CARS2: variants seen among roughly 807,000 people sequenced by gnomAD.
The protein encoded by CARS2 is probable cysteine--tRNA ligase, mitochondrial.
A neutral mutation model predicts 68.8 loss-of-function variants in CARS2; 52 were observed. The observed-to-expected ratio is 0.76, with a 90% CI of 0.61 to 0.95. CARS2 has a LOEUF of 0.95. CARS2 is among the 40% of genes least tolerant of loss of function. The pLI, the probability that CARS2 is intolerant of heterozygous loss-of-function variation, is 0.00. For synonymous variants in CARS2, 314 were observed against 303.6 expected (o/e 1.03, Z -0.36); for missense variants, 780 against 754.2 (o/e 1.03, Z -0.40).
At chr13:110,666,351 C>T (rs2062647857) in intron 8 of CARS2, 2 of 985,216 alleles carry the variant, frequency 2.0e-6, no homozygotes, top group Non-Finnish European at 2.4e-6. Context: ...GTATGGGGTG[C>T]TGGACAACAG....
At chr13:110,666,812 G>A (rs945328270) in intron 8 of CARS2, 16 of 985,226 alleles carry the variant, frequency 1.6e-5, no homozygotes, top group East Asian at 1.1e-4. Context: ...CTAGTTAATC[G>A]TGACCCTGTA....
chr13:110,680,615 T>G (rs955583778), intron 6 of CARS2, among the ~76,000 whole-genome samples: 2 of 53,930 alleles, frequency 3.7e-5, no homozygotes, highest in African/African-American at 1.4e-4. Context: ...GCCTCTACAT[T>G]CAACTACCAG....
chr13:110,669,316 G>C (rs2062737617), intron 7 of CARS2, among the ~76,000 whole-genome samples: 1 of 152,120 alleles, frequency 6.6e-6, no homozygotes, highest in Non-Finnish European at 1.5e-5. Context: ...TCCATGAATG[G>C]AGCAGAGTCC....
chr13:110,656,083 A>T (rs1566663142), intron 9 of CARS2, among the ~76,000 whole-genome samples: 2 of 152,148 alleles, frequency 1.3e-5, no homozygotes, highest in African/African-American at 4.8e-5. Flanking sequence ...AGGCAGGTGG[A>T]CCTGAGGTTA....
chr13:110,712,752 C>G, intron 1 of CARS2: 1 of 703,780 alleles, frequency 1.4e-6, no homozygotes, highest in Non-Finnish European at 2.6e-6. Flanking sequence ...AGAACGGTGT[C>G]CATGACACAG....
chr13:110,709,819 A>T (rs967218730), upstream of CARS2, among the ~76,000 whole-genome samples: 1 of 152,140 alleles, frequency 6.6e-6, no homozygotes, highest in Non-Finnish European at 1.5e-5. Flanking sequence ...TAAAAAGAGG[A>T]TCCATTTAAT....
At position 110,667,052 on chromosome 13, in the gene CARS2, T is replaced by C. The variant is rs2062667415; in HGVS notation, c.919+288A>G. 5 of 707,532 alleles carry C rather than the reference T, an allele frequency of 7.1e-6. No homozygotes were observed. The South Asian group carries it at 3.2e-4, about 45-fold the overall frequency. 43.8% of individuals were successfully genotyped at this position (707,532 alleles called of 1,614,324 possible). A position where few individuals can be genotyped will look rare whatever the true frequency, so the allele number is the denominator to read the frequency against. On this transcript the variant is annotated intron_variant, in intron 8 of 14. Transcript: ENST00000257347. ...GATGTTCATAATTATCGTTACATTG[T>C]ACTACTTCAAGTTCCTTCTTAATAG...
In CARS2 at chr13:110,699,500, G is replaced by A. The variant is rs183512506; in HGVS notation, c.393+1938C>T. On this transcript the variant is annotated intron_variant, in intron 3 of 14. Coordinates refer to ENST00000257347, the MANE Select transcript of CARS2 (RefSeq NM_024537.4). ...GCAAAGTATCACAAGACTACATCTC[G>A]TCTACATCAAAATTAGGTCAGCTTT... 2.6e-5 allele frequency among the ~76,000 whole-genome samples: 4 copies of A among 152,310 alleles called. No individual in the cohort carries two copies. In the East Asian group the frequency reaches 5.8e-4, roughly 22 times the overall value.
chr13:110,679,650 CGGAGGGAG>C lies in CARS2; in HGVS notation c.656-2555_656-2548del, dbSNP rs571685789. On this transcript the variant is annotated intron_variant, in intron 6 of 14. Transcript: ENST00000257347. Reference sequence around the variant, plus strand: ...GGGAGGGAGGGACACCGGGCGTGACCGGAGGGAGGGAGGGAGGGAGGGAGGGAGGGAGG... The same window carrying C: ...GGGAGGGAGGGACACCGGGCGTGACCGGAGGGAGGGAGGGAGGGAGGGAGG... Among the ~76,000 whole-genome samples the C allele has an allele frequency of 2.7e-3, 116 of 43,210 alleles. 1 individual carries two copies. Among genetic ancestry groups the C allele is most frequent in the African/African-American group, 9.2e-3 (95 of 10,318 alleles). 28.3% of individuals were successfully genotyped at this position (43,210 alleles called of 152,430 possible).
chr13:110,703,149 T>C lies in CARS2; in HGVS notation c.276-1594A>G, dbSNP rs139763793. Among the ~76,000 whole-genome samples, 3 of 152,306 alleles carry C rather than the reference T, an allele frequency of 2.0e-5. No individual in the cohort carries two copies. The East Asian group carries it at 5.8e-4, about 29-fold the overall frequency. Reference sequence around the variant, plus strand: ...GGGTTTCCATCCCTCTGACCTCTTCTGGAAATGGTGGAGGCTATTTTTCAG... The same window carrying C: ...GGGTTTCCATCCCTCTGACCTCTTCCGGAAATGGTGGAGGCTATTTTTCAG... On this transcript the variant is annotated intron_variant, in intron 2 of 14. Transcript: ENST00000257347.
chr13:110,709,735 A>ATT (rs1445262108), upstream of CARS2, among the ~76,000 whole-genome samples: 1 of 152,004 alleles, frequency 6.6e-6, no homozygotes, highest in South Asian at 2.1e-4. Context: ...ATGTATATAC[A>ATT]TTATATATAT....
At chr13:110,712,591 T>A (rs2064042968) in intron 1 of CARS2, 1 of 395,838 alleles carries the variant, frequency 2.5e-6, no homozygotes, top group Non-Finnish European at 4.8e-6. Flanking sequence ...GCGTCCAGGC[T>A]TCTCAGAAAG....
chr13:110,697,934 C>T lies in CARS2; in HGVS notation c.393+3504G>A, dbSNP rs72661701. ...GACAGAGACCTCAGTGAAAATGTTC[C>T]TCAAGGACCTCACACCATTCCTTTG... On this transcript the variant is annotated intron_variant, in intron 3 of 14. Coordinates refer to ENST00000257347, the MANE Select transcript of CARS2 (RefSeq NM_024537.4). 91,128 of 454,834 alleles carry T rather than the reference C, an allele frequency of 0.2. 10,708 individuals carry two copies. The highest frequency in any genetic ancestry group is 0.4 in the Admixed American group (16,935 of 42,146). The allele number at this position is 454,834 out of a possible 1,614,324, so 28.2% of individuals were successfully genotyped here. A position where few individuals can be genotyped will look rare whatever the true frequency, so the allele number is the denominator to read the frequency against.
chr13:110,669,130 A>T (rs2062732228), intron 7 of CARS2, among the ~76,000 whole-genome samples: 1 of 152,160 alleles, frequency 6.6e-6, no homozygotes, highest in South Asian at 2.1e-4. Context: ...GCGTTTCCAG[A>T]TGAGCCGCAT....
At chr13:110,690,612 C>T (rs1293817420) in intron 3 of CARS2, among the ~76,000 whole-genome samples, 1 of 152,226 alleles carries the variant, frequency 6.6e-6, no homozygotes, top group Non-Finnish European at 1.5e-5. Context: ...TCCCGATGCA[C>T]ATCCCATCCT....
intron 5 of CARS2, among the ~76,000 whole-genome samples, chr13:110,683,814 C>T (rs993493973): frequency 4.6e-5 from 7 of 152,136 alleles, no homozygotes; most frequent in Non-Finnish European, 7.3e-5. Context: ...CTGAAGAGTT[C>T]GAGACCAGCC....
chr13:110,707,215 A>G (rs2063981042), upstream of CARS2: 1 of 152,108 alleles, frequency 6.6e-6, no homozygotes, highest in Admixed American at 6.6e-5. Flanking sequence ...ACCCCAATAC[A>G]GTGTGCACCC....
intron 8 of CARS2, chr13:110,665,000 T>C: frequency 1.0e-6 from 1 of 985,380 alleles, no homozygotes; most frequent in East Asian, 1.1e-4. Flanking sequence ...TGGGATAGTG[T>C]CTGCCCACTT....
chr13:110,651,153 T>G (rs2062201192), intron 9 of CARS2, 53 bp from the exon 10 acceptor site: 9 of 1,221,114 alleles, frequency 7.4e-6, no homozygotes, highest in Non-Finnish European at 9.6e-6. Context: ...CGCTTCGCAC[T>G]GTTCAGAGAA....
Sources: allele counts gnomAD v4.1 joint callset (sites outside exome capture counted in the v4.1 genomes callset), GRCh38; gene constraint gnomAD v4.1.1; transcripts MANE v1.5; gene names NCBI Gene and HGNC (gene_info 2026-07-23, HGNC 2026-07-21).